The following OPCML variants were observed in gnomAD, a reference collection of about 807,000 sequenced individuals.
The protein encoded by OPCML is opioid binding protein/cell adhesion molecule like.
OPCML carries 13 observed loss-of-function variants against 37.8 expected under a neutral mutation model. The ratio of observed to expected loss-of-function variants is 0.34; its 90% CI spans 0.22 to 0.55. The LOEUF (loss-of-function observed/expected upper bound fraction) is 0.55. Among genes scored for constraint, OPCML ranks in the 20% least tolerant of loss-of-function variants. OPCML has a pLI of 0.91. For missense variants in OPCML, 341 were observed against 435.6 expected (o/e 0.78, Z 1.93); for synonymous variants, 176 against 168.8 (o/e 1.04, Z -0.33).
intron 2 of OPCML, among the ~76,000 whole-genome samples, chr11:132,870,357 A>G (rs1396822484): frequency 1.3e-5 from 2 of 152,230 alleles, no homozygotes; most frequent in East Asian, 3.8e-4. Flanking sequence ...AAGATGAAGG[A>G]TAACACATGT....
Position 132,920,928 on chromosome 11 carries a change from G to A in OPCML, c.146+21998C>T, listed in dbSNP as rs115657729. On this transcript the variant is annotated intron_variant, in intron 2 of 7. Transcript: ENST00000524381. ...CACACCTTGTCCCTCCTGTCTTCCAGCCAGTCCCTTCCTGCACTCGGCTTG... is the reference window on the plus strand; with the variant it reads ...CACACCTTGTCCCTCCTGTCTTCCAACCAGTCCCTTCCTGCACTCGGCTTG... Among the ~76,000 whole-genome samples the A allele has an allele frequency of 6.0e-3, 912 of 152,160 alleles. 7 individuals carry two copies. The highest frequency in any genetic ancestry group is 0.021 in the African/African-American group (859 of 41,500).
At chr11:133,105,278 T>A (rs988391361) in intron 1 of OPCML, among the ~76,000 whole-genome samples, 3 of 152,324 alleles carry the variant, frequency 2.0e-5, no homozygotes, top group African/African-American at 7.2e-5. Context: ...TCAAGGCAGA[T>A]AAAGTCTTAT....
chr11:133,066,066 A>G (rs936007166), intron 1 of OPCML: 2 of 152,674 alleles, frequency 1.3e-5, no homozygotes, highest in African/African-American at 4.8e-5. Flanking sequence ...TGATCTCCTT[A>G]GAGTGCTAGA....
At chr11:132,922,487 A>G (rs1944840554) in intron 2 of OPCML, among the ~76,000 whole-genome samples, 1 of 152,026 alleles carries the variant, frequency 6.6e-6, no homozygotes, top group Admixed American at 6.6e-5. Flanking sequence ...GGGAAGACGG[A>G]GCACCGAGAC....
At chr11:133,426,630 C>T (rs1235453476) in intron 1 of OPCML, among the ~76,000 whole-genome samples, 1 of 152,152 alleles carries the variant, frequency 6.6e-6, no homozygotes, top group Admixed American at 6.5e-5. Context: ...TGCAAGGAGG[C>T]CAAAGTCCTC....
At chr11:132,929,250 C>CA (rs1289115452) in intron 2 of OPCML, among the ~76,000 whole-genome samples, 3 of 151,736 alleles carry the variant, frequency 2.0e-5, no homozygotes, top group Non-Finnish European at 2.9e-5. Flanking sequence ...ACTAAAATCA[C>CA]AAAAAGGTCA....
At chr11:132,886,323 C>G (rs1375790412) in intron 2 of OPCML, among the ~76,000 whole-genome samples, 1 of 152,224 alleles carries the variant, frequency 6.6e-6, no homozygotes, top group African/African-American at 2.4e-5. Context: ...GGCATGGACT[C>G]TGTGGGTGTG....
At chr11:132,864,144 G>T (rs892475602) in intron 2 of OPCML, among the ~76,000 whole-genome samples, 1 of 151,844 alleles carries the variant, frequency 6.6e-6, no homozygotes, top group Non-Finnish European at 1.5e-5. Context: ...CACCATGTTG[G>T]CCAGGCTGGT....
At chr11:132,924,127 ATG>A (rs10686395) in intron 2 of OPCML, among the ~76,000 whole-genome samples, 30,062 of 149,616 alleles carry the variant, frequency 0.2, 3,870 homozygotes, top group Middle Eastern at 0.37. Flanking sequence ...AAAAAAAACT[ATG>A]TGTGTGTGTG....
chr11:132,495,747 T>C (rs1243367133), intron 4 of OPCML, among the ~76,000 whole-genome samples: 1 of 151,836 alleles, frequency 6.6e-6, no homozygotes, highest in African/African-American at 2.4e-5. Flanking sequence ...AAAACAAAAT[T>C]AGCTGGGTGT....
chr11:133,128,353 A>G (rs778714112), intron 1 of OPCML, among the ~76,000 whole-genome samples: 1 of 152,180 alleles, frequency 6.6e-6, no homozygotes, highest in Non-Finnish European at 1.5e-5. Flanking sequence ...GCTGGCAAAT[A>G]GCTTTCTCAG....
chr11:132,627,743 T>C (rs1198102342), intron 3 of OPCML, among the ~76,000 whole-genome samples: 1 of 152,184 alleles, frequency 6.6e-6, no homozygotes, highest in Non-Finnish European at 1.5e-5. Context: ...ACTAGCCTAG[T>C]AGTAAGTGAA....
rs146749648 is a variant in OPCML at position 133,058,077 on chromosome 11, G to A, written c.62-115067C>T. ...GCTCCTGGCCAGTACCTGGCACAGA[G>A]CTTGTTTACATTTGTAAAGCTCTTG... On this transcript the variant is annotated intron_variant, in intron 1 of 7. Coordinates refer to ENST00000524381, the MANE Select transcript of OPCML (RefSeq NM_001012393.5). Among the ~76,000 whole-genome samples the A allele has an allele frequency of 9.4e-4, 143 of 152,322 alleles. 1 individual carries two copies. In the East Asian group the frequency reaches 0.018, roughly 19 times the overall value.
chr11:133,168,612 A>T (rs1950246422), intron 1 of OPCML, among the ~76,000 whole-genome samples: 1 of 152,232 alleles, frequency 6.6e-6, no homozygotes, highest in South Asian at 2.1e-4. Context: ...GTTGTTTTGT[A>T]GCTAGCCTTA....
At chr11:133,191,516 T>TGTGTGG (rs1375578027) in intron 1 of OPCML, among the ~76,000 whole-genome samples, 2 of 151,736 alleles carry the variant, frequency 1.3e-5, no homozygotes, top group African/African-American at 4.8e-5. Context: ...TGTGTGTGTG[T>TGTGTGG]GTGTGTGTGT....
At chr11:132,990,604 G>C (rs1310621333) in intron 1 of OPCML, among the ~76,000 whole-genome samples, 2 of 152,168 alleles carry the variant, frequency 1.3e-5, no homozygotes, top group Non-Finnish European at 2.9e-5. Context: ...GGCCCTCTAT[G>C]TCCTTTCCAA....
At chr11:132,554,298 T>A (rs1303926360) in intron 3 of OPCML, among the ~76,000 whole-genome samples, 1 of 152,230 alleles carries the variant, frequency 6.6e-6, no homozygotes, top group African/African-American at 2.4e-5. Context: ...AACTACAAAA[T>A]CTTTAGTTGG....
intron 1 of OPCML, among the ~76,000 whole-genome samples, chr11:133,161,016 T>G (rs932353700): frequency 2.0e-5 from 3 of 152,210 alleles, no homozygotes; most frequent in African/African-American, 7.2e-5. Context: ...GCAGCAGGCC[T>G]GGTGCGGGGC....
chr11:132,462,470 C>G (rs1424340777), intron 4 of OPCML, among the ~76,000 whole-genome samples: 1 of 152,126 alleles, frequency 6.6e-6, no homozygotes, highest in South Asian at 2.1e-4. Context: ...GGGTGTCCAG[C>G]AACATTGACA....
Sources: gnomAD v4.1 joint callset for allele counts (sites outside exome capture counted in the v4.1 genomes callset) on GRCh38, gnomAD v4.1.1 for gene constraint, MANE v1.5 for transcripts, NCBI Gene and HGNC (gene_info 2026-07-23, HGNC 2026-07-21) for gene names.